Variants in OTC observed in about 807,000 individuals in gnomAD.
OTC encodes ornithine transcarbamylase, mitochondrial.
A neutral mutation model predicts 30.3 loss-of-function variants in OTC; 3 were observed. The ratio of observed to expected loss-of-function variants is 0.10; its 90% CI spans 0.05 to 0.26. The LOEUF (loss-of-function observed/expected upper bound fraction) is 0.26, where lower values mean the gene tolerates loss of function less well. Ranked by LOEUF, OTC falls within the 10% of genes least tolerant of loss-of-function variation. The probability of loss-of-function intolerance (pLI) is 1.00; values close to 1 mark genes in which losing one functional copy is unlikely to be tolerated. For missense variants in OTC, 194 were observed against 260.3 expected, an observed-to-expected ratio of 0.75 and a Z score of 1.75; for synonymous variants, 111 against 99.7, an observed-to-expected ratio of 1.11 and a Z score of -0.67.
intron 4 of OTC, among the ~76,000 whole-genome samples, chrX:38,397,805 T>C (rs140020226): frequency 1.8e-4 from 20 of 111,588 alleles, no homozygotes; most frequent in African/African-American, 6.5e-4. Context: ...CTCAGCCTAG[T>C]CTTCATACTG....
intron 4 of OTC, among the ~76,000 whole-genome samples, chrX:38,397,521 G>A (rs764978032): frequency 2.7e-5 from 3 of 112,226 alleles, no homozygotes; most frequent in Non-Finnish European, 5.6e-5. Context: ...GTTTACAAGT[G>A]TCAAGTGGGG....
At chrX:38,335,153 G>C in the OTC span, among the ~76,000 whole-genome samples, 1 of 112,068 alleles carries the variant, frequency 8.9e-6, no homozygotes, top group Non-Finnish European at 1.9e-5. Flanking sequence ...CCAGTTTAGA[G>C]AATAGGCTTG....
chrX:38,410,309 T>C (rs1391659216), intron 8 of OTC, among the ~76,000 whole-genome samples: 2 of 111,763 alleles, frequency 1.8e-5, no homozygotes, highest in African/African-American at 3.2e-5. Flanking sequence ...AATTTTGGGG[T>C]GAAGTGGTAT....
the OTC span, among the ~76,000 whole-genome samples, chrX:38,329,790 A>C: frequency 2.7e-5 from 3 of 111,518 alleles, no homozygotes; most frequent in Admixed American, 9.5e-5. Flanking sequence ...CCACTAGTTC[A>C]TTTACATAGT....
chrX:38,401,175 C>T (rs928860938), intron 4 of OTC, 100 bp from the exon 5 acceptor site: 3 of 654,630 alleles, frequency 4.6e-6, no homozygotes, highest in Non-Finnish European at 7.3e-6. Context: ...AGTAAAAATT[C>T]TATTTATTAG....
chrX:38,422,303 A>G (rs995982841), downstream of OTC, among the ~76,000 whole-genome samples: 6 of 111,996 alleles, frequency 5.4e-5, no homozygotes, highest in African/African-American at 1.9e-4. Context: ...TCATAATGTT[A>G]CAGAAAAAAA....
intron 3 of OTC, among the ~76,000 whole-genome samples, chrX:38,374,455 T>C (rs755285988): frequency 9.0e-6 from 1 of 110,742 alleles, no homozygotes; most frequent in African/African-American, 3.3e-5. Flanking sequence ...AGGCTTCTTT[T>C]TGATCTGTGA....
chrX:38,414,693 A>G (rs962400390), intron 9 of OTC, among the ~76,000 whole-genome samples: 5 of 112,135 alleles, frequency 4.5e-5, no homozygotes, highest in Admixed American at 1.9e-4. Context: ...CCCTAATCTC[A>G]TCAACAGGCT....
chrX:38,393,364 G>T (rs1027651429), intron 4 of OTC, among the ~76,000 whole-genome samples: 4 of 111,933 alleles, frequency 3.6e-5, no homozygotes, highest in Admixed American at 2.8e-4. Flanking sequence ...AACAAAACTG[G>T]GCACAAAGCT....
chrX:38,369,331 A>G (rs994095858), intron 2 of OTC, among the ~76,000 whole-genome samples: 4 of 105,998 alleles, frequency 3.8e-5, no homozygotes, highest in Non-Finnish European at 5.8e-5. Context: ...TGTATAGTAC[A>G]TAAAAAAACA....
chrX:38,414,694 T>C (rs1378723411), intron 9 of OTC, among the ~76,000 whole-genome samples: 3 of 112,083 alleles, frequency 2.7e-5, no homozygotes, highest in African/African-American at 9.7e-5. Flanking sequence ...CCTAATCTCA[T>C]CAACAGGCTA....
intron 8 of OTC, among the ~76,000 whole-genome samples, chrX:38,410,786 G>A (rs1227190281): frequency 8.9e-6 from 1 of 111,924 alleles, no homozygotes; most frequent in Non-Finnish European, 1.9e-5. Flanking sequence ...CAGTCATTTT[G>A]TTGATGTATG....
intron 1 of OTC, among the ~76,000 whole-genome samples, chrX:38,355,056 C>T (rs759122619): frequency 2.1e-4 from 24 of 111,753 alleles, no homozygotes; most frequent in Non-Finnish European, 3.0e-4. Flanking sequence ...GAGTTTACTA[C>T]TCCAGAATAA....
chrX:38,384,203 T>C (rs771903939), intron 4 of OTC, among the ~76,000 whole-genome samples: 6 of 111,616 alleles, frequency 5.4e-5, no homozygotes, highest in African/African-American at 2.0e-4. Context: ...TGTGGGAGAA[T>C]TGCAGAAGGC....
chrX:38,401,435 T>G lies in OTC; in HGVS notation c.540+7T>G. On this transcript the variant is annotated splice_region_variant and intron_variant, in intron 5 of 9. Coordinates refer to ENST00000039007, the MANE Select transcript of OTC (RefSeq NM_000531.6). ...TGATTACCTCACGCTCCAGGTTGGT[T>G]TATTTATTTGTCTTACAAAAGAGCA... The G allele has an allele frequency of 8.4e-7, 1 of 1,196,091 alleles. No individual in the cohort carries two copies. The highest frequency in any genetic ancestry group is 1.1e-6 in the Non-Finnish European group (1 of 881,103).
chrX:38,410,461 A>G (rs2147345897), intron 8 of OTC, among the ~76,000 whole-genome samples: 1 of 112,250 alleles, frequency 8.9e-6, no homozygotes, highest in East Asian at 2.8e-4. Context: ...ATTTTTCTAA[A>G]TCTGGAGGAA....
At chrX:38,331,116 C>T in the OTC span, among the ~76,000 whole-genome samples, 2 of 112,006 alleles carry the variant, frequency 1.8e-5, no homozygotes, top group Non-Finnish European at 1.9e-5. Flanking sequence ...TTCTCAAATA[C>T]GCAGAGGCTG....
chrX:38,367,471 C>G, intron 2 of OTC, 42 bp downstream of exon 2: 1 of 1,129,443 alleles, frequency 8.9e-7, no homozygotes, highest in Non-Finnish European at 1.2e-6. Context: ...CTACCAGTCC[C>G]CTTTTTTTAA....
At chrX:38,353,222 G>A (rs776114624) in intron 1 of OTC, among the ~76,000 whole-genome samples, 1 of 112,344 alleles carries the variant, frequency 8.9e-6, no homozygotes, top group Non-Finnish European at 1.9e-5. Context: ...CCTTATATGT[G>A]ATGGGGATAA....
Sources: gnomAD v4.1 joint callset for allele counts (sites outside exome capture counted in the v4.1 genomes callset) on GRCh38, gnomAD v4.1.1 for gene constraint, MANE v1.5 for transcripts, NCBI Gene and HGNC (gene_info 2026-07-23, HGNC 2026-07-21) for gene names.